The following MCU variants were observed in gnomAD, a reference collection of about 807,000 sequenced individuals.
MCU encodes mitochondrial calcium uniporter.
MCU carries 12 observed loss-of-function variants against 45.2 expected under a neutral mutation model. The observed-to-expected ratio is 0.27, with a 90% CI of 0.17 to 0.43. The LOEUF (loss-of-function observed/expected upper bound fraction) is 0.43, where lower values mean the gene tolerates loss of function less well. MCU is among the 20% of genes least tolerant of loss of function. MCU has a pLI of 1.00. For synonymous variants in MCU, 160 were observed against 165.1 expected (o/e 0.97, Z 0.24); for missense variants, 324 against 436.7 (o/e 0.74, Z 2.30).
chr10:72,806,570 T>C (rs957521289), intron 1 of MCU, among the ~76,000 whole-genome samples: 22 of 152,208 alleles, frequency 1.4e-4, no homozygotes, highest in African/African-American at 5.3e-4. Context: ...CTTCTCTTGG[T>C]GCCAGGAACA....
At chr10:72,772,222 G>A (rs144506162) in intron 1 of MCU, among the ~76,000 whole-genome samples, 1 of 152,322 alleles carries the variant, frequency 6.6e-6, no homozygotes, top group East Asian at 1.9e-4. Context: ...GCACCATGCT[G>A]TAGGAGGTAT....
At chr10:72,693,923 CTGTT>C (rs947934933) in intron 1 of MCU, among the ~76,000 whole-genome samples, 7 of 152,196 alleles carry the variant, frequency 4.6e-5, no homozygotes, top group Non-Finnish European at 7.4e-5. Context: ...GTTTTTAAGA[CTGTT>C]TGGGTGTGAT....
intron 1 of MCU, among the ~76,000 whole-genome samples, chr10:72,726,141 C>G (rs1458870463): frequency 6.6e-6 from 1 of 151,928 alleles, no homozygotes; most frequent in Non-Finnish European, 1.5e-5. Flanking sequence ...CTCAAAGGAT[C>G]CTCCCACCTC....
intron 1 of MCU, among the ~76,000 whole-genome samples, chr10:72,736,174 C>T (rs554933115): frequency 7.2e-5 from 11 of 152,110 alleles, no homozygotes; most frequent in African/African-American, 1.2e-4. Context: ...TATTCATGGA[C>T]GTTGGATATA....
chr10:72,747,843 A>T (rs1157218653), intron 1 of MCU, among the ~76,000 whole-genome samples: 1 of 151,996 alleles, frequency 6.6e-6, no homozygotes, highest in Non-Finnish European at 1.5e-5. Context: ...ACAAAACCAA[A>T]CCAAACCATG....
At chr10:72,788,661 C>G (rs538905849) in intron 1 of MCU, among the ~76,000 whole-genome samples, 1 of 152,296 alleles carries the variant, frequency 6.6e-6, no homozygotes, top group South Asian at 2.1e-4. Flanking sequence ...AAACCACAAA[C>G]TAGTGATGAG....
chr10:72,716,692 T>C (rs1842958899), intron 1 of MCU, among the ~76,000 whole-genome samples: 1 of 151,582 alleles, frequency 6.6e-6, no homozygotes, highest in Non-Finnish European at 1.5e-5. Flanking sequence ...CTAACCAGCT[T>C]GGGCAATATA....
intron 1 of MCU, among the ~76,000 whole-genome samples, chr10:72,810,032 G>T (rs2132798475): frequency 6.6e-6 from 1 of 152,058 alleles, no homozygotes. Flanking sequence ...TTGTATGTGT[G>T]TGCGCGTGAA....
At chr10:72,790,031 C>G (rs998280069) in intron 1 of MCU, among the ~76,000 whole-genome samples, 2 of 152,204 alleles carry the variant, frequency 1.3e-5, no homozygotes, top group African/African-American at 4.8e-5. Context: ...GATATATTTG[C>G]TGGCTTTGGT....
chr10:72,713,685 C>T (rs1429776742), intron 1 of MCU, among the ~76,000 whole-genome samples: 2 of 152,122 alleles, frequency 1.3e-5, no homozygotes, highest in Non-Finnish European at 2.9e-5. Flanking sequence ...GATTTCCAAT[C>T]ATTTTCAAAC....
At chr10:72,709,763 T>A (rs2132658942) in intron 1 of MCU, among the ~76,000 whole-genome samples, 1 of 152,332 alleles carries the variant, frequency 6.6e-6, no homozygotes, top group South Asian at 2.1e-4. Flanking sequence ...AAATGCTGCC[T>A]AAGCACAGTT....
chr10:72,692,654 A>T (rs1037315945), intron 1 of MCU: 1 of 1,171,334 alleles, frequency 8.5e-7, no homozygotes, highest in Non-Finnish European at 1.1e-6. Flanking sequence ...AGGCTCCCTG[A>T]ACGGAGCCAG....
chr10:72,720,724 A>G (rs1447040648), intron 1 of MCU, among the ~76,000 whole-genome samples: 1 of 152,210 alleles, frequency 6.6e-6, no homozygotes, highest in Admixed American at 6.5e-5. Context: ...CCTTGAGGAA[A>G]GGGCTTGGAT....
At chr10:72,754,221 C>T (rs1293104068) in intron 1 of MCU, among the ~76,000 whole-genome samples, 1 of 152,138 alleles carries the variant, frequency 6.6e-6, no homozygotes, top group Non-Finnish European at 1.5e-5. Context: ...TGAACATGGG[C>T]AGAATTTCAG....
intron 1 of MCU, among the ~76,000 whole-genome samples, chr10:72,765,076 C>T (rs1168145358): frequency 2.1e-5 from 3 of 145,778 alleles, no homozygotes; most frequent in Non-Finnish European, 4.5e-5. Context: ...ACATGGTGAA[C>T]CCCATCTCTT....
At position 72,692,147 on chromosome 10, in the gene MCU, G is replaced by A. The variant is rs1470690521; in HGVS notation, c.-5G>A. 1 of 1,291,808 alleles carries A rather than the reference G, an allele frequency of 7.7e-7. No homozygotes were observed. The highest frequency in any genetic ancestry group is 9.9e-7 in the Non-Finnish European group (1 of 1,012,690). The allele number at this position is 1,291,808 out of a possible 1,614,324, so 80.0% of individuals were successfully genotyped here. A position where few individuals can be genotyped will look rare whatever the true frequency, so the allele number is the denominator to read the frequency against. On this transcript the variant is annotated 5_prime_UTR_variant, in exon 1 of 8. Transcript: ENST00000373053. ...GCCTGGGTCGGCGCCGTTTCCAGTT[G>A]AGAGATGGCGGCCGCCGCAGGTAGA...
intron 1 of MCU, among the ~76,000 whole-genome samples, chr10:72,760,330 TGTG>T: frequency 6.6e-6 from 1 of 151,868 alleles, no homozygotes; most frequent in Non-Finnish European, 1.5e-5. Context: ...GGATTACAGG[TGTG>T]AGCCACCTCA....
intron 1 of MCU, among the ~76,000 whole-genome samples, chr10:72,800,555 A>G (rs1844323194): frequency 6.6e-6 from 1 of 152,200 alleles, no homozygotes; most frequent in Non-Finnish European, 1.5e-5. Context: ...TTACTGAATG[A>G]CTTAATGAGT....
At chr10:72,717,518 C>T (rs112985311) in intron 1 of MCU, among the ~76,000 whole-genome samples, 9,013 of 152,176 alleles carry the variant, frequency 0.059, 900 homozygotes, top group African/African-American at 0.21. Flanking sequence ...TTCAGCCTCC[C>T]AAAGTGCTGG....
Sources: allele counts gnomAD v4.1 joint callset (sites outside exome capture counted in the v4.1 genomes callset), GRCh38; gene constraint gnomAD v4.1.1; transcripts MANE v1.5; gene names NCBI Gene and HGNC (gene_info 2026-07-23, HGNC 2026-07-21).